Variants in CYBRD1 observed in about 807,000 individuals in gnomAD.
CYBRD1 encodes the protein cytochrome b reductase 1.
A neutral mutation model predicts 21.9 loss-of-function variants in CYBRD1; 14 were observed. That is an observed-to-expected ratio of 0.64 (90% CI 0.42 to 1.00). The LOEUF (loss-of-function observed/expected upper bound fraction) is 1.00, where lower values mean the gene tolerates loss of function less well. CYBRD1 is among the 50% of genes least tolerant of loss of function. The probability of loss-of-function intolerance (pLI) is 0.00; values close to 1 mark genes in which losing one functional copy is unlikely to be tolerated. For synonymous variants in CYBRD1, 146 were observed against 136.5 expected, an observed-to-expected ratio of 1.07 and a Z score of -0.48; for missense variants, 328 against 352.5, an observed-to-expected ratio of 0.93 and a Z score of 0.56.
At chr2:171,540,109 A>G (rs1239486436) in intron 1 of CYBRD1, among the ~76,000 whole-genome samples, 1 of 152,210 alleles carries the variant, frequency 6.6e-6, no homozygotes, top group African/African-American at 2.4e-5. Flanking sequence ...ACCAGCACCT[A>G]GATTGAGAAA....
At chr2:171,547,171 G>A (rs918018359) in intron 2 of CYBRD1, among the ~76,000 whole-genome samples, 2 of 152,192 alleles carry the variant, frequency 1.3e-5, no homozygotes, top group African/African-American at 2.4e-5. Context: ...GAGAGGGCTG[G>A]AGGAGTGTTA....
chr2:171,553,305 CTTAAAA>C lies in CYBRD1; in HGVS notation c.403-35_403-30del, dbSNP rs767386737. 2.9e-5 allele frequency: 47 copies of C among 1,607,124 alleles called. No homozygotes were observed. In the African/African-American group the frequency reaches 5.6e-4, roughly 19 times the overall value. ...TAAATAATTTAAAATTAGTTTAGAA[CTTAAAA>C]TTAAATGATAACCTTTGCACTTTTT... On this transcript the variant is annotated intron_variant, in intron 2 of 3. Coordinates refer to ENST00000321348, the MANE Select transcript of CYBRD1 (RefSeq NM_024843.4).
At chr2:171,547,340 G>C (rs1016239098) in intron 2 of CYBRD1, among the ~76,000 whole-genome samples, 1 of 152,126 alleles carries the variant, frequency 6.6e-6, no homozygotes, top group Non-Finnish European at 1.5e-5. Context: ...AGGAAACAGA[G>C]TGGTAACTCA....
At chr2:171,533,958 G>C (rs1377403482) in intron 1 of CYBRD1, among the ~76,000 whole-genome samples, 1 of 151,810 alleles carries the variant, frequency 6.6e-6, no homozygotes, top group African/African-American at 2.4e-5. Context: ...CGCCTGTCTT[G>C]GCCTCCCAAA....
At chr2:171,542,906 T>C (rs1697656860) in intron 2 of CYBRD1, among the ~76,000 whole-genome samples, 2 of 152,048 alleles carry the variant, frequency 1.3e-5, no homozygotes, top group African/African-American at 2.4e-5. Context: ...ATAAAAATCT[T>C]TGGGGTTTAA....
At chr2:171,552,148 C>G (rs1442703192) in intron 2 of CYBRD1, among the ~76,000 whole-genome samples, 1 of 152,126 alleles carries the variant, frequency 6.6e-6, no homozygotes, top group Non-Finnish European at 1.5e-5. Context: ...GAAAATGGAG[C>G]CTGTTAGTTC....
At chr2:171,523,255 C>T in intron 1 of CYBRD1, 1 of 427,858 alleles carries the variant, frequency 2.3e-6, no homozygotes, top group Non-Finnish European at 4.8e-6. Context: ...GGGAAGGCAG[C>T]GGGGAAAAGA....
chr2:171,553,243 A>G, intron 2 of CYBRD1, 103 bp from the exon 3 acceptor site: 1 of 1,358,202 alleles, frequency 7.4e-7, no homozygotes, highest in Non-Finnish European at 1.0e-6. Flanking sequence ...CTTTGGTTCT[A>G]TATGAAAGGT....
chr2:171,530,612 G>A lies in CYBRD1; in HGVS notation c.193+7874G>A, dbSNP rs760197707. 5.3e-5 allele frequency among the ~76,000 whole-genome samples: 8 copies of A among 152,186 alleles called. 1 individual carries two copies. Among genetic ancestry groups the A allele is most frequent in the Non-Finnish European group, 7.3e-5 (5 of 68,032 alleles). On this transcript the variant is annotated intron_variant, in intron 1 of 3. Coordinates refer to ENST00000321348, the MANE Select transcript of CYBRD1 (RefSeq NM_024843.4). Reference sequence around the variant, plus strand: ...AGCTTCCACTTAGCCCCAGTGGATCGTGGCTACGTGAGGATGCCAGTTCAA... The same window carrying A: ...AGCTTCCACTTAGCCCCAGTGGATCATGGCTACGTGAGGATGCCAGTTCAA...
Position 171,522,699 on chromosome 2 carries a change from G to C in CYBRD1, c.154G>C (p.Val52Leu). 1 of 1,613,586 alleles carries C rather than the reference G, an allele frequency of 6.2e-7. No homozygotes were observed. Among genetic ancestry groups the C allele is most frequent in the Non-Finnish European group, 8.5e-7 (1 of 1,179,920 alleles). ...GSALEFNWHPVLMVTGFVFIQ... is the reference protein window; with the variant it reads ...GSALEFNWHPLLMVTGFVFIQ... ...CGCACTAGAGTTTAACTGGCACCCAGTGCTCATGGTCACCGGCTTCGTCTT... is the reference window on the plus strand; with the variant it reads ...CGCACTAGAGTTTAACTGGCACCCACTGCTCATGGTCACCGGCTTCGTCTT... The change falls in exon 1 of 4, where the codon GTG (valine) becomes CTG (leucine). Residue 52 changes from valine (V) to leucine (L), a missense_variant. Val to Leu is a conservative substitution (Grantham distance 32, BLOSUM62 1). Coordinates refer to ENST00000321348, the MANE Select transcript of CYBRD1 (RefSeq NM_024843.4). The surrounding 1 kb of genome is among the most constrained non-coding windows in gnomAD (Gnocchi z 4.3).
intron 1 of CYBRD1, among the ~76,000 whole-genome samples, chr2:171,534,226 T>G (rs1166842100): frequency 6.6e-6 from 1 of 152,198 alleles, no homozygotes; most frequent in African/African-American, 2.4e-5. Flanking sequence ...CTGGGAGAAA[T>G]GGAATGCCAA....
chr2:171,530,372 T>G (rs534940856), intron 1 of CYBRD1, among the ~76,000 whole-genome samples: 1 of 152,342 alleles, frequency 6.6e-6, no homozygotes, highest in Non-Finnish European at 1.5e-5. Context: ...ATTTACAGAT[T>G]TTTCATTGTT....
In CYBRD1 at chr2:171,544,039, A is replaced by G. The variant is rs1406998456; in HGVS notation, c.402+2246A>G. Among the ~76,000 whole-genome samples, 4 of 152,318 alleles carry G rather than the reference A, an allele frequency of 2.6e-5. No individual in the cohort carries two copies. In the East Asian group the frequency reaches 7.7e-4, roughly 29 times the overall value. ...GATTGACCCAGATTATATTCCTGCC[A>G]GAAGTTTATGAGTTCCCATATCCTT... On this transcript the variant is annotated intron_variant, in intron 2 of 3. Transcript: ENST00000321348.
chr2:171,528,265 A>G (rs1416707604), intron 1 of CYBRD1, among the ~76,000 whole-genome samples: 1 of 151,960 alleles, frequency 6.6e-6, no homozygotes, highest in Non-Finnish European at 1.5e-5. Flanking sequence ...TTGTATTTTT[A>G]GTAGAGATGG....
chr2:171,554,440 G>T, intron 3 of CYBRD1, 84 bp from the exon 4 acceptor site: 1 of 1,377,432 alleles, frequency 7.3e-7, no homozygotes, highest in Non-Finnish European at 1.0e-6. Context: ...GTACTAGTGT[G>T]CATTTTGAGC....
At chr2:171,525,054 C>T (rs1697364224) in intron 1 of CYBRD1, among the ~76,000 whole-genome samples, 1 of 152,196 alleles carries the variant, frequency 6.6e-6, no homozygotes, top group African/African-American at 2.4e-5. Flanking sequence ...TCTCCTGCCC[C>T]AGCCTCCCCA....
chr2:171,526,745 A>G (rs1574431430), intron 1 of CYBRD1, among the ~76,000 whole-genome samples: 2 of 152,218 alleles, frequency 1.3e-5, no homozygotes, highest in African/African-American at 4.8e-5. Context: ...TTGACCTTTT[A>G]AAAGGTTCAG....
At chr2:171,532,752 G>T (rs1697486718) in intron 1 of CYBRD1, among the ~76,000 whole-genome samples, 1 of 152,000 alleles carries the variant, frequency 6.6e-6, no homozygotes, top group Admixed American at 6.6e-5. Context: ...AGTGAGCCAA[G>T]ATCATGCCAC....
intron 3 of CYBRD1, among the ~76,000 whole-genome samples, chr2:171,553,905 G>C (rs977318503): frequency 1.3e-5 from 2 of 152,192 alleles, no homozygotes; most frequent in African/African-American, 2.4e-5. Context: ...AACAAAGCAA[G>C]TAAAGAATGA....
Sources: gnomAD v4.1 joint callset for allele counts (sites outside exome capture counted in the v4.1 genomes callset) on GRCh38, gnomAD v4.1.1 for gene constraint, Gnocchi (gnomAD v3.1) non-coding constraint, MANE v1.5 for transcripts, NCBI Gene and HGNC (gene_info 2026-07-23, HGNC 2026-07-21) for gene names.